CCDC171: variants seen among roughly 807,000 people sequenced by gnomAD.
The protein encoded by CCDC171 is coiled-coil domain-containing protein 171.
A neutral mutation model predicts 168.2 loss-of-function variants in CCDC171; 177 were observed. The ratio of observed to expected loss-of-function variants is 1.05; its 90% CI spans 0.93 to 1.19. The LOEUF is 1.19. Among genes scored for constraint, CCDC171 ranks in the 50% most tolerant of loss-of-function variants. CCDC171 has a pLI of 0.00. For missense variants in CCDC171, 1,991 were observed against 1,539.0 expected, an observed-to-expected ratio of 1.29 and a Z score of -4.91; for synonymous variants, 687 against 540.8, an observed-to-expected ratio of 1.27 and a Z score of -3.75.
chr9:15,936,512 A>T (rs1827138240), intron 25 of CCDC171, among the ~76,000 whole-genome samples: 1 of 151,924 alleles, frequency 6.6e-6, no homozygotes, highest in Admixed American at 6.6e-5. Context: ...TTGAGAGTTG[A>T]GGGGACTCAG....
chr9:15,782,216 A>C (rs1192267905), intron 20 of CCDC171, among the ~76,000 whole-genome samples: 1 of 152,232 alleles, frequency 6.6e-6, no homozygotes, highest in Non-Finnish European at 1.5e-5. Flanking sequence ...GAAGGGAAAC[A>C]TCCTGCTCAC....
intron 1 of CCDC171, among the ~76,000 whole-genome samples, chr9:16,060,297 G>A (rs1290104695): frequency 2.6e-5 from 4 of 152,186 alleles, no homozygotes; most frequent in Non-Finnish European, 4.4e-5. Context: ...ATTTCTGAGT[G>A]GAGGTGAGGA....
intron 3 of CCDC171, among the ~76,000 whole-genome samples, chr9:15,985,019 A>G (rs1831939886): frequency 6.6e-6 from 1 of 152,190 alleles, no homozygotes; most frequent in African/African-American, 2.4e-5. Context: ...GGCATCAAAC[A>G]TATCTACCAG....
chr9:15,880,463 CT>C (rs59892028), intron 24 of CCDC171, among the ~76,000 whole-genome samples: 33 of 140,976 alleles, frequency 2.3e-4, no homozygotes, highest in African/African-American at 3.4e-4. Flanking sequence ...CTCTCTCTCT[CT>C]TTTTTTTTTT....
chr9:15,806,665 T>C (rs2135879581), intron 21 of CCDC171, among the ~76,000 whole-genome samples: 1 of 152,126 alleles, frequency 6.6e-6, no homozygotes, highest in East Asian at 1.9e-4. Flanking sequence ...ATTCTTTTTT[T>C]TCATTTCAAT....
At chr9:15,762,561 G>C (rs1446215927) in intron 18 of CCDC171, among the ~76,000 whole-genome samples, 3 of 152,110 alleles carry the variant, frequency 2.0e-5, no homozygotes, top group East Asian at 1.9e-4. Flanking sequence ...ATAGGAAACT[G>C]TTCTGCAGCT....
chr9:15,837,730 T>G (rs563238589), intron 21 of CCDC171, among the ~76,000 whole-genome samples: 6 of 152,322 alleles, frequency 3.9e-5, no homozygotes, highest in Non-Finnish European at 4.4e-5. Context: ...TTCACTCTCT[T>G]TTTCTTTAAT....
At chr9:15,978,653 A>C (rs918820862), downstream of CCDC171, among the ~76,000 whole-genome samples, 2 of 152,218 alleles carry the variant, frequency 1.3e-5, no homozygotes, top group Non-Finnish European at 2.9e-5. Context: ...GACTAGATTT[A>C]TCTGCTTCAC....
At chr9:15,614,782 A>T (rs2131910547) in intron 6 of CCDC171, among the ~76,000 whole-genome samples, 1 of 152,326 alleles carries the variant, frequency 6.6e-6, no homozygotes, top group East Asian at 1.9e-4. Context: ...AGAAACTTTG[A>T]GTGTCTGGGT....
chr9:15,906,887 G>A (rs3124459), intron 24 of CCDC171, among the ~76,000 whole-genome samples: 129,534 of 151,618 alleles, frequency 0.85, 55,424 homozygotes, highest in East Asian at 0.96. Flanking sequence ...TAACAGACAA[G>A]CAGACATCCA....
Position 15,789,535 on chromosome 9 carries a change from G to C in CCDC171, c.3267+4841G>C, listed in dbSNP as rs2058139351. 1.3e-5 allele frequency among the ~76,000 whole-genome samples: 2 copies of C among 152,186 alleles called. 1 individual carries two copies. Among genetic ancestry groups the C allele is most frequent in the South Asian group, 4.1e-4 (2 of 4,828 alleles). ...TCTGGAAAAAGGCTTGCCTAATCTA[G>C]TTCCTTCAGAAGCCAACAAAGAGTA... On this transcript the variant is annotated intron_variant, in intron 21 of 25. Coordinates refer to ENST00000380701, the MANE Select transcript of CCDC171 (RefSeq NM_173550.4).
At chr9:15,863,092 G>A (rs141461776) in intron 23 of CCDC171, among the ~76,000 whole-genome samples, 85 of 151,918 alleles carry the variant, frequency 5.6e-4, no homozygotes, top group African/African-American at 1.9e-3. Context: ...TGTATGTTGG[G>A]TCATGTCAGT....
intron 3 of CCDC171, among the ~76,000 whole-genome samples, chr9:15,982,269 G>C (rs550955802): frequency 1.3e-5 from 2 of 152,246 alleles, no homozygotes; most frequent in East Asian, 3.9e-4. Context: ...AGTGTTTATG[G>C]CCCAGCGTAG....
At chr9:15,984,698 C>G (rs1331331234) in intron 3 of CCDC171, among the ~76,000 whole-genome samples, 1 of 152,008 alleles carries the variant, frequency 6.6e-6, no homozygotes, top group Non-Finnish European at 1.5e-5. Context: ...TATTTATCAA[C>G]ATTACAAAGT....
chr9:15,911,829 G>C (rs982819007), intron 24 of CCDC171, among the ~76,000 whole-genome samples: 12 of 152,058 alleles, frequency 7.9e-5, no homozygotes, highest in Non-Finnish European at 1.8e-4. Context: ...TCTTGTTTTT[G>C]TCAGGTTTGT....
At chr9:15,651,114 ATT>A (rs1210550059) in intron 7 of CCDC171, among the ~76,000 whole-genome samples, 1 of 144,832 alleles carries the variant, frequency 6.9e-6, no homozygotes, top group Admixed American at 6.9e-5. Context: ...ATTTTTTAGA[ATT>A]TTTTTTTTTT....
At chr9:15,601,949 T>C (rs1335765238) in intron 6 of CCDC171, among the ~76,000 whole-genome samples, 7 of 152,228 alleles carry the variant, frequency 4.6e-5, no homozygotes, top group South Asian at 2.1e-4. Flanking sequence ...AAATGAAACA[T>C]TGTGGTTATA....
chr9:15,944,761 A>G (rs891951216), intron 25 of CCDC171, among the ~76,000 whole-genome samples: 2 of 152,014 alleles, frequency 1.3e-5, no homozygotes, highest in African/African-American at 4.8e-5. Context: ...GTAGGAAGGA[A>G]CTACCAAGGC....
intron 3 of CCDC171, among the ~76,000 whole-genome samples, chr9:16,020,168 A>T (rs531876080): frequency 6.6e-6 from 1 of 152,250 alleles, no homozygotes; most frequent in African/African-American, 2.4e-5. Flanking sequence ...CATACATAAC[A>T]CCGAACACAA....
Sources: allele counts gnomAD v4.1 joint callset (sites outside exome capture counted in the v4.1 genomes callset), GRCh38; gene constraint gnomAD v4.1.1; transcripts MANE v1.5; gene names NCBI Gene and HGNC (gene_info 2026-07-23, HGNC 2026-07-21).